IL1RAPL1: variants seen among roughly 807,000 people sequenced by gnomAD.
IL1RAPL1 encodes interleukin 1 receptor accessory protein like 1.
Under a neutral mutation model 48.4 loss-of-function variants are expected in IL1RAPL1, and 3 were observed. The observed-to-expected ratio is 0.06, with a 90% CI of 0.03 to 0.16. The LOEUF is 0.16. Ranked by LOEUF, IL1RAPL1 falls within the 10% of genes least tolerant of loss-of-function variation. The pLI, the probability that IL1RAPL1 is intolerant of heterozygous loss-of-function variation, is 1.00. For missense variants in IL1RAPL1, 349 were observed against 530.6 expected (o/e 0.66, Z 3.36); for synonymous variants, 185 against 187.7 (o/e 0.99, Z 0.12).
At chrX:28,733,704 G>A (rs944849746) in intron 1 of IL1RAPL1, among the ~76,000 whole-genome samples, 2 of 110,697 alleles carry the variant, frequency 1.8e-5, no homozygotes, top group Non-Finnish European at 3.8e-5. Flanking sequence ...TCATTCCTTG[G>A]TCCTCTTCTC....
chrX:29,862,739 A>G (rs1415219331), intron 6 of IL1RAPL1, among the ~76,000 whole-genome samples: 1 of 110,926 alleles, frequency 9.0e-6, no homozygotes, highest in African/African-American at 3.3e-5. Context: ...ACAATAGAGC[A>G]TGTTCAAAAC....
chrX:28,853,211 C>T lies in IL1RAPL1; in HGVS notation c.82+63786C>T, dbSNP rs758905549. 8.1e-5 allele frequency among the ~76,000 whole-genome samples: 9 copies of T among 111,545 alleles called. No homozygotes were observed. In the East Asian group the frequency reaches 1.4e-3, roughly 18 times the overall value. The stretch of plus-strand genomic sequence containing the variant: ...GTCTACAGCAACTTCAATGCAATTG[C>T]ATAAAATAAATTATAAATATAAATG... On this transcript the variant is annotated intron_variant, in intron 2 of 10. Transcript: ENST00000378993.
At chrX:28,903,629 A>G (rs911433530) in intron 2 of IL1RAPL1, among the ~76,000 whole-genome samples, 2 of 110,072 alleles carry the variant, frequency 1.8e-5, no homozygotes, top group African/African-American at 3.3e-5. Context: ...TCCTCCTCCT[A>G]AAAAGAAATG....
At chrX:29,592,245 A>G (rs778868643) in intron 5 of IL1RAPL1, among the ~76,000 whole-genome samples, 1 of 112,000 alleles carries the variant, frequency 8.9e-6, no homozygotes, top group Admixed American at 9.5e-5. Context: ...ATTAAATATT[A>G]TGATTCTTAG....
intron 2 of IL1RAPL1, among the ~76,000 whole-genome samples, chrX:29,242,373 C>T (rs954066372): frequency 4.4e-5 from 5 of 112,378 alleles, no homozygotes; most frequent in South Asian, 3.6e-4. Flanking sequence ...TGAACTTAGA[C>T]ACTTTGGCTG....
intron 6 of IL1RAPL1, among the ~76,000 whole-genome samples, chrX:29,815,430 G>A (rs1027117259): frequency 6.3e-5 from 7 of 111,580 alleles, no homozygotes; most frequent in African/African-American, 2.3e-4. Flanking sequence ...TATTGATTTT[G>A]TATCCTGAAA....
intron 1 of IL1RAPL1, among the ~76,000 whole-genome samples, chrX:28,755,253 C>T (rs994495950): frequency 3.6e-5 from 4 of 112,003 alleles, no homozygotes; most frequent in African/African-American, 1.3e-4. Flanking sequence ...GCCTTGGCCT[C>T]CCAAAGTGCT....
At chrX:28,601,815 A>C (rs1243996538) in intron 1 of IL1RAPL1, among the ~76,000 whole-genome samples, 1 of 110,971 alleles carries the variant, frequency 9.0e-6, no homozygotes, top group Non-Finnish European at 1.9e-5. Context: ...ATAATAAAAA[A>C]AAAAGTTGGC....
chrX:29,402,961 G>A (rs1934013212), intron 5 of IL1RAPL1, among the ~76,000 whole-genome samples: 2 of 111,654 alleles, frequency 1.8e-5, no homozygotes, highest in Admixed American at 9.6e-5. Flanking sequence ...CACTGTTGAT[G>A]TTGATCTTGA....
intron 1 of IL1RAPL1, among the ~76,000 whole-genome samples, chrX:28,707,157 C>T (rs976293981): frequency 3.6e-5 from 4 of 112,014 alleles, no homozygotes; most frequent in South Asian, 3.7e-4. Flanking sequence ...CTGTTTACTT[C>T]GAACGCCTGT....
chrX:28,747,619 C>A (rs757965537), intron 1 of IL1RAPL1, among the ~76,000 whole-genome samples: 1 of 111,921 alleles, frequency 8.9e-6, no homozygotes, highest in Non-Finnish European at 1.9e-5. Flanking sequence ...CCGGCCTGGG[C>A]GACAGAGTGA....
At chrX:29,295,813 A>G (rs1932441661) in intron 3 of IL1RAPL1, among the ~76,000 whole-genome samples, 1 of 111,367 alleles carries the variant, frequency 9.0e-6, no homozygotes, top group African/African-American at 3.3e-5. Flanking sequence ...AAAGGACATG[A>G]TCCTTCCCAC....
chrX:28,862,597 G>T (rs1436027621), intron 2 of IL1RAPL1, among the ~76,000 whole-genome samples: 1 of 111,917 alleles, frequency 8.9e-6, no homozygotes, highest in South Asian at 3.8e-4. Context: ...GTAGACACTT[G>T]CCTCTGGATG....
intron 2 of IL1RAPL1, among the ~76,000 whole-genome samples, chrX:29,169,551 A>G (rs1447550947): frequency 1.8e-5 from 2 of 110,796 alleles, no homozygotes; most frequent in Non-Finnish European, 3.8e-5. Context: ...ATCTTCAGTG[A>G]CTCCAAAAAT....
At chrX:29,097,327 C>T (rs1028109873) in intron 2 of IL1RAPL1, among the ~76,000 whole-genome samples, 3 of 111,425 alleles carry the variant, frequency 2.7e-5, no homozygotes, top group African/African-American at 9.8e-5. Context: ...GTTAATTATA[C>T]GCTGATAGAG....
At chrX:28,632,662 A>G in intron 1 of IL1RAPL1, among the ~76,000 whole-genome samples, 1 of 111,717 alleles carries the variant, frequency 9.0e-6, no homozygotes, top group Non-Finnish European at 1.9e-5. Flanking sequence ...TATTTATTTG[A>G]AAATACCAAT....
At chrX:28,751,831 G>A (rs1456882600) in intron 1 of IL1RAPL1, among the ~76,000 whole-genome samples, 1 of 112,026 alleles carries the variant, frequency 8.9e-6, no homozygotes, top group African/African-American at 3.2e-5. Flanking sequence ...AGCTGCAAAT[G>A]TACAAGTGGT....
chrX:28,892,305 G>A (rs1008945711), intron 2 of IL1RAPL1, among the ~76,000 whole-genome samples: 100 of 107,245 alleles, frequency 9.3e-4, no homozygotes, highest in Non-Finnish European at 1.6e-3. Context: ...GTTCTCTGGC[G>A]GGCAGGAGTG....
chrX:29,825,109 T>C (rs1930706017), intron 6 of IL1RAPL1, among the ~76,000 whole-genome samples: 1 of 111,068 alleles, frequency 9.0e-6, no homozygotes, highest in Non-Finnish European at 1.9e-5. Context: ...TTTGTGTCAT[T>C]TTTGTCATCA....
Sources: allele counts gnomAD v4.1 joint callset (sites outside exome capture counted in the v4.1 genomes callset), GRCh38; gene constraint gnomAD v4.1.1; transcripts MANE v1.5; gene names NCBI Gene and HGNC (gene_info 2026-07-23, HGNC 2026-07-21).